RASGRP3: variants seen among roughly 807,000 people sequenced by gnomAD.
RASGRP3 encodes the protein ras guanyl-releasing protein 3.
In RASGRP3, 54 loss-of-function variants were observed where a neutral mutation model predicts 82.7. The observed-to-expected ratio is 0.65, with a 90% CI of 0.52 to 0.82. RASGRP3 has a LOEUF of 0.82. Ranked by LOEUF, RASGRP3 falls within the 40% of genes least tolerant of loss-of-function variation. The pLI, the probability that RASGRP3 is intolerant of heterozygous loss-of-function variation, is 0.00. For missense variants in RASGRP3, 861 were observed against 828.9 expected (o/e 1.04, Z -0.48); for synonymous variants, 309 against 300.5 (o/e 1.03, Z -0.29).
chr2:33,459,438 C>A (rs917772562), intron 2 of RASGRP3, among the ~76,000 whole-genome samples: 4 of 152,226 alleles, frequency 2.6e-5, no homozygotes, highest in South Asian at 2.1e-4. Context: ...CCAGCCAAGA[C>A]TTTTTAAGTC....
chr2:33,464,861 G>C (rs1666598606), intron 2 of RASGRP3, among the ~76,000 whole-genome samples: 1 of 152,136 alleles, frequency 6.6e-6, no homozygotes, highest in Non-Finnish European at 1.5e-5. Flanking sequence ...ATCAATAAAT[G>C]CTATGCATAT....
chr2:33,561,650 G>C (rs560705301), intron 17 of RASGRP3, among the ~76,000 whole-genome samples: 1 of 151,952 alleles, frequency 6.6e-6, no homozygotes, highest in East Asian at 1.9e-4. Context: ...CCAATAAATG[G>C]CATTAGGAGC....
upstream of RASGRP3, among the ~76,000 whole-genome samples, chr2:33,475,797 C>T (rs901216881): frequency 7.2e-5 from 11 of 152,218 alleles, no homozygotes; most frequent in African/African-American, 2.4e-4. Flanking sequence ...GCGAGCAGCA[C>T]AGAAAACGGC....
intron 1 of RASGRP3, among the ~76,000 whole-genome samples, chr2:33,437,597 C>G (rs1664993680): frequency 6.6e-6 from 1 of 152,102 alleles, no homozygotes; most frequent in Non-Finnish European, 1.5e-5. Flanking sequence ...TAGAATCTGT[C>G]CCAAGAAGAT....
intron 14 of RASGRP3, 35 bp downstream of exon 14, chr2:33,549,786 A>G: frequency 6.3e-7 from 1 of 1,590,198 alleles, no homozygotes. Flanking sequence ...TTATGTGTGT[A>G]GTTATTTGTG....
intron 1 of RASGRP3, among the ~76,000 whole-genome samples, chr2:33,480,896 T>A (rs888077532): frequency 2.0e-5 from 3 of 152,212 alleles, no homozygotes; most frequent in African/African-American, 4.8e-5. Flanking sequence ...TCGCTGTGCT[T>A]TGATCTTTGA....
At chr2:33,562,240 G>T (rs896432163) in intron 17 of RASGRP3, among the ~76,000 whole-genome samples, 1 of 150,112 alleles carries the variant, frequency 6.7e-6, no homozygotes, top group Non-Finnish European at 1.5e-5. Flanking sequence ...GAGTTCATAT[G>T]CTGGGTGAAC....
intron 10 of RASGRP3, among the ~76,000 whole-genome samples, chr2:33,529,183 A>G (rs1230013759): frequency 3.3e-5 from 5 of 152,214 alleles, no homozygotes; most frequent in Admixed American, 3.3e-4. Context: ...AGGAATATTG[A>G]AGGATTTTCA....
At chr2:33,535,101 T>A (rs1426903355) in intron 11 of RASGRP3, among the ~76,000 whole-genome samples, 2 of 152,204 alleles carry the variant, frequency 1.3e-5, no homozygotes, top group African/African-American at 4.8e-5. Flanking sequence ...AAAATTAGAT[T>A]TAAAATTTTA....
intron 13 of RASGRP3, among the ~76,000 whole-genome samples, chr2:33,545,874 G>A (rs528060911): frequency 3.9e-4 from 59 of 152,190 alleles, no homozygotes; most frequent in Non-Finnish European, 6.3e-4. Flanking sequence ...GCACAATCTC[G>A]GCTTATTGCA....
At chr2:33,473,464 C>T (rs147353084), upstream of RASGRP3, among the ~76,000 whole-genome samples, 4 of 152,032 alleles carry the variant, frequency 2.6e-5, no homozygotes, top group African/African-American at 4.8e-5. Flanking sequence ...AGCTAATGAG[C>T]GCACGCTGAG....
At chr2:33,473,913 C>T (rs1317812723), upstream of RASGRP3, among the ~76,000 whole-genome samples, 1 of 152,202 alleles carries the variant, frequency 6.6e-6, no homozygotes, top group Admixed American at 6.5e-5. Context: ...CAGGATGAAA[C>T]TGTTCCACCT....
In RASGRP3 at chr2:33,556,231, C is replaced by CTTTTTT. The variant is rs573022728; in HGVS notation, c.1579+686_1579+691dup. Among the ~76,000 whole-genome samples the CTTTTTT allele has an allele frequency of 1.7e-4, 10 of 57,498 alleles. 1 individual carries two copies. The highest frequency in any genetic ancestry group is 6.4e-4 in the African/African-American group (6 of 9,310). 37.7% of individuals were successfully genotyped at this position (57,498 alleles called of 152,430 possible). ...CAGTTTATATGGTTCTTCTAATAAT[C>CTTTTTT]TTTTTTTTTTTTTTTTTTTTTTTTT... On this transcript the variant is annotated intron_variant, in intron 15 of 17. Transcript: ENST00000403687.
chr2:33,513,026 G>A (rs1006235714), intron 2 of RASGRP3, among the ~76,000 whole-genome samples: 44 of 152,166 alleles, frequency 2.9e-4, no homozygotes, highest in Non-Finnish European at 4.4e-5. Flanking sequence ...GTTTTAAATA[G>A]GTCAGGAAAG....
chr2:33,534,468 A>G (rs1228243949), intron 11 of RASGRP3, 68 bp downstream of exon 11: 61 of 971,914 alleles, frequency 6.3e-5, no homozygotes, highest in Non-Finnish European at 3.2e-5. Flanking sequence ...GTAATTGGCT[A>G]TTACAATGCT....
At position 33,509,081 on chromosome 2, in the gene RASGRP3, G is replaced by A. The variant is rs186118873; in HGVS notation, c.-260-2629G>A. On this transcript the variant is annotated intron_variant, in intron 1 of 17. Coordinates refer to ENST00000403687, the MANE Select transcript of RASGRP3 (RefSeq NM_001139488.2). Reference sequence around the variant, plus strand: ...GTTTGCTTGATATGGTGAAGAGGACGTTAAGATACCATTGGAAATGAAATA... The same window carrying A: ...GTTTGCTTGATATGGTGAAGAGGACATTAAGATACCATTGGAAATGAAATA... 6.6e-5 allele frequency among the ~76,000 whole-genome samples: 10 copies of A among 152,230 alleles called. No homozygotes were observed. In the South Asian group the frequency reaches 1.5e-3, roughly 22 times the overall value.
chr2:33,508,608 G>A (rs910248367), intron 1 of RASGRP3, among the ~76,000 whole-genome samples: 1 of 152,182 alleles, frequency 6.6e-6, no homozygotes, highest in African/African-American at 2.4e-5. Context: ...CTCTAAAAAG[G>A]AGACACGGTC....
intron 2 of RASGRP3, among the ~76,000 whole-genome samples, chr2:33,469,479 G>C (rs80003239): frequency 9.6e-6 from 1 of 103,746 alleles, no homozygotes; most frequent in African/African-American, 3.8e-5. Flanking sequence ...TTTTTTTTTT[G>C]ACATGGAGTC....
At chr2:33,558,178 C>T in intron 15 of RASGRP3, 33 bp from the exon 16 acceptor site, 3 of 1,600,702 alleles carry the variant, frequency 1.9e-6, no homozygotes, top group Non-Finnish European at 2.6e-6. Context: ...ATCAGACACA[C>T]TAATCATCTG....
Sources: gnomAD v4.1 joint callset for allele counts (sites outside exome capture counted in the v4.1 genomes callset) on GRCh38, gnomAD v4.1.1 for gene constraint, MANE v1.5 for transcripts, NCBI Gene and HGNC (gene_info 2026-07-23, HGNC 2026-07-21) for gene names.